MACROD2: variants seen among roughly 807,000 people sequenced by gnomAD.
MACROD2 encodes the protein mono-ADP ribosylhydrolase 2.
A neutral mutation model predicts 70.4 loss-of-function variants in MACROD2; 36 were observed. The ratio of observed to expected loss-of-function variants is 0.51; its 90% CI spans 0.39 to 0.68. The LOEUF (loss-of-function observed/expected upper bound fraction) is 0.68. Ranked by LOEUF, MACROD2 falls within the 30% of genes least tolerant of loss-of-function variation. The pLI is 0.00. For synonymous variants in MACROD2, 172 were observed against 178.8 expected (o/e 0.96, Z 0.30); for missense variants, 496 against 538.4 (o/e 0.92, Z 0.78).
intron 4 of MACROD2, among the ~76,000 whole-genome samples, chr20:14,558,175 C>T (rs900798250): frequency 1.3e-5 from 2 of 151,520 alleles, no homozygotes; most frequent in Non-Finnish European, 1.5e-5. Context: ...CTGTAGAGGC[C>T]GTAAGCAGAT....
chr20:15,938,164 A>AT (rs2147332967), intron 12 of MACROD2, among the ~76,000 whole-genome samples: 2 of 152,292 alleles, frequency 1.3e-5, no homozygotes, highest in South Asian at 4.1e-4. Flanking sequence ...CAATTAAAAA[A>AT]ATATATATCT....
intron 10 of MACROD2, among the ~76,000 whole-genome samples, chr20:15,895,627 G>A (rs1485326554): frequency 6.6e-6 from 1 of 152,208 alleles, no homozygotes; most frequent in Non-Finnish European, 1.5e-5. Flanking sequence ...CTTTCATACA[G>A]GAGAGAGGGC....
At chr20:15,622,770 G>C (rs1420583392) in intron 8 of MACROD2, among the ~76,000 whole-genome samples, 1 of 152,172 alleles carries the variant, frequency 6.6e-6, no homozygotes, top group African/African-American at 2.4e-5. Context: ...TTTTGAGAGA[G>C]AGAGACCACA....
chr20:15,097,097 C>T (rs2075839690), intron 5 of MACROD2, among the ~76,000 whole-genome samples: 1 of 152,162 alleles, frequency 6.6e-6, no homozygotes, highest in South Asian at 2.1e-4. Context: ...CAGGCATGAA[C>T]CACTGTGCCC....
At chr20:14,966,449 G>A (rs1266012742) in intron 5 of MACROD2, among the ~76,000 whole-genome samples, 2 of 152,118 alleles carry the variant, frequency 1.3e-5, no homozygotes, top group African/African-American at 4.8e-5. Context: ...GGTGGTGCAT[G>A]CCTGTAGACC....
intron 8 of MACROD2, among the ~76,000 whole-genome samples, chr20:15,538,869 A>G (rs1375428310): frequency 6.6e-6 from 1 of 152,108 alleles, no homozygotes; most frequent in African/African-American, 2.4e-5. Context: ...CAATGGATTA[A>G]ATGGGTATTT....
chr20:15,588,847 C>G (rs1222558279), intron 8 of MACROD2, among the ~76,000 whole-genome samples: 6 of 152,328 alleles, frequency 3.9e-5, no homozygotes, highest in African/African-American at 1.4e-4. Flanking sequence ...AGGTTCCAAA[C>G]TTTCCCACAT....
At chr20:15,895,991 T>G (rs1393000997) in intron 10 of MACROD2, among the ~76,000 whole-genome samples, 1 of 152,244 alleles carries the variant, frequency 6.6e-6, no homozygotes, top group Non-Finnish European at 1.5e-5. Flanking sequence ...TGCATTGTAC[T>G]CTTGCATGTG....
chr20:14,391,109 A>G (rs2083521702), intron 3 of MACROD2, among the ~76,000 whole-genome samples: 1 of 152,210 alleles, frequency 6.6e-6, no homozygotes, highest in South Asian at 2.1e-4. Context: ...TGAGCTAGCA[A>G]TCTCATTACT....
At chr20:14,473,779 G>A (rs2084558096) in intron 3 of MACROD2, among the ~76,000 whole-genome samples, 1 of 152,150 alleles carries the variant, frequency 6.6e-6, no homozygotes, top group Non-Finnish European at 1.5e-5. Flanking sequence ...GTGTGTAAGA[G>A]TTCCCCTTTC....
intron 3 of MACROD2, among the ~76,000 whole-genome samples, chr20:14,283,246 T>A: frequency 6.6e-6 from 1 of 152,338 alleles, no homozygotes; most frequent in Non-Finnish European, 1.5e-5. Context: ...TATTTAAAAT[T>A]TATTGTCAAA....
In MACROD2 at chr20:14,684,836, C is replaced by G. The variant is rs779683538; in HGVS notation, c.302-7C>G. On this transcript the variant is annotated splice_region_variant and splice_polypyrimidine_tract_variant and intron_variant, in intron 4 of 17. Transcript: ENST00000684519. ...AATATAAGCTAACTTTCTTCTTTCT[C>G]CCTTAGTGGATGGCTGTATTCATAG... is the stretch of plus-strand genomic sequence containing the variant. 1 of 1,610,316 alleles carries G rather than the reference C, an allele frequency of 6.2e-7. No individual in the cohort carries two copies. The highest frequency in any genetic ancestry group is 2.2e-5 in the East Asian group (1 of 44,852).
At chr20:15,173,327 T>C (rs1705846738) in intron 5 of MACROD2, among the ~76,000 whole-genome samples, 1 of 152,192 alleles carries the variant, frequency 6.6e-6, no homozygotes, top group South Asian at 2.1e-4. Context: ...GTATGTTTGC[T>C]AAACAGACCT....
intron 5 of MACROD2, among the ~76,000 whole-genome samples, chr20:15,085,858 AACACACACACACACAACACAC>A (rs2075743080): frequency 2.9e-5 from 4 of 135,862 alleles, no homozygotes; most frequent in African/African-American, 1.1e-4. Flanking sequence ...AAAGATGAAT[AACACACACACACACAACACAC>A]ACACACACAC....
intron 3 of MACROD2, among the ~76,000 whole-genome samples, chr20:14,194,246 T>C (rs2081412004): frequency 6.6e-6 from 1 of 152,114 alleles, no homozygotes; most frequent in South Asian, 2.1e-4. Flanking sequence ...AAATGATACA[T>C]TGTTGTGTAT....
At chr20:15,538,374 G>A (rs529977937) in intron 8 of MACROD2, among the ~76,000 whole-genome samples, 71 of 152,234 alleles carry the variant, frequency 4.7e-4, no homozygotes, top group African/African-American at 1.7e-3. Context: ...TGTAAAAGAC[G>A]GGCTTCAAAA....
chr20:15,015,475 G>GTTT (rs35022559), intron 5 of MACROD2, among the ~76,000 whole-genome samples: 18 of 138,612 alleles, frequency 1.3e-4, no homozygotes, highest in South Asian at 1.2e-3. Flanking sequence ...AACTATGTGT[G>GTTT]TTTTTTTTTT....
intron 7 of MACROD2, among the ~76,000 whole-genome samples, chr20:15,483,101 C>A (rs1306110593): frequency 6.6e-6 from 1 of 151,950 alleles, no homozygotes; most frequent in Admixed American, 6.6e-5. Context: ...TTTCATAAAG[C>A]ATGTATTTGG....
At chr20:15,636,677 C>G (rs1237874117) in intron 8 of MACROD2, among the ~76,000 whole-genome samples, 1 of 152,078 alleles carries the variant, frequency 6.6e-6, no homozygotes. Flanking sequence ...AGTGATAGGG[C>G]AGAAAGTGCT....
Sources: allele counts gnomAD v4.1 joint callset (sites outside exome capture counted in the v4.1 genomes callset), GRCh38; gene constraint gnomAD v4.1.1; transcripts MANE v1.5; gene names NCBI Gene and HGNC (gene_info 2026-07-23, HGNC 2026-07-21).